ST7L: variants seen among roughly 807,000 people sequenced by gnomAD.
ST7L encodes the protein suppression of tumorigenicity 7 like.
ST7L carries 57 observed loss-of-function variants against 72.5 expected under a neutral mutation model. The observed-to-expected ratio is 0.79, with a 90% CI of 0.64 to 0.98. The LOEUF (loss-of-function observed/expected upper bound fraction) is 0.98, where lower values mean the gene tolerates loss of function less well. ST7L is among the 50% of genes least tolerant of loss of function. ST7L has a pLI of 0.00. For missense variants in ST7L, 576 were observed against 672.2 expected, an observed-to-expected ratio of 0.86 and a Z score of 1.58; for synonymous variants, 221 against 240.9, an observed-to-expected ratio of 0.92 and a Z score of 0.77.
intron 4 of ST7L, 105 bp from the exon 5 acceptor site, chr1:112,598,191 G>T: frequency 1.5e-6 from 1 of 668,478 alleles, no homozygotes; most frequent in Non-Finnish European, 2.4e-6. Context: ...ACATTTGGAT[G>T]TTTTAAAATC....
In ST7L at chr1:112,555,869, GC is replaced by G. The variant is rs1303759502; in HGVS notation, c.1394del (p.Gly465AlafsTer5). 4 of 1,518,968 alleles carry G rather than the reference GC, an allele frequency of 2.6e-6. No individual in the cohort carries two copies. The African/African-American group carries it at 5.6e-5, about 21-fold the overall frequency. 94.1% of individuals were successfully genotyped at this position (1,518,968 alleles called of 1,614,324 possible). On this transcript the variant is annotated frameshift_variant and splice_region_variant, in exon 12 of 15. Transcript: ENST00000358039. LOFTEE classifies it high-confidence loss of function. ...ALNLLQCTWE[G>X]TFRMIPYPLE... ...TTACTTTTGGAAAAGAATACTTACT[GC>G]CTTCCCATGTACACTGTAACAGATT...
intron 12 of ST7L, among the ~76,000 whole-genome samples, chr1:112,552,704 T>G (rs1658435615): frequency 6.6e-6 from 1 of 152,210 alleles, no homozygotes; most frequent in Non-Finnish European, 1.5e-5. Context: ...ATGCCCAGCC[T>G]AGACTTTATT....
downstream of ST7L, chr1:112,520,227 C>T (rs773457770): frequency 2.6e-5 from 40 of 1,536,348 alleles, no homozygotes; most frequent in Non-Finnish European, 3.6e-5. Flanking sequence ...TAAGGGTATC[C>T]AGGGCAGCTG....
chr1:112,583,892 TTTA>T lies in ST7L; in HGVS notation c.856+77_856+79del, dbSNP rs1220987263. ...TAACTAACCTGTAAGTATTAAGTTTTTTATTATTGTTGTTTGTGTTAAGACACA... is the reference window on the plus strand; with the variant it reads ...TAACTAACCTGTAAGTATTAAGTTTTTTATTGTTGTTTGTGTTAAGACACA... On this transcript the variant is annotated intron_variant, in intron 7 of 14. Transcript: ENST00000358039. 1.2e-5 allele frequency: 18 copies of T among 1,490,650 alleles called. No homozygotes were observed. In the African/African-American group the frequency reaches 2.1e-4, roughly 17 times the overall value. The allele number at this position is 1,490,650 out of a possible 1,614,324, so 92.3% of individuals were successfully genotyped here. A position where few individuals can be genotyped will look rare whatever the true frequency, so the allele number is the denominator to read the frequency against.
At chr1:112,575,058 G>T (rs1318946386) in intron 11 of ST7L, among the ~76,000 whole-genome samples, 1 of 152,058 alleles carries the variant, frequency 6.6e-6, no homozygotes, top group Non-Finnish European at 1.5e-5. Flanking sequence ...CTAACATGGT[G>T]AAACCTCGTC....
chr1:112,566,297 CTTT>C (rs71084471), intron 11 of ST7L, among the ~76,000 whole-genome samples: 3 of 105,942 alleles, frequency 2.8e-5, no homozygotes, highest in African/African-American at 3.9e-5. Context: ...TCTTCTTCTT[CTTT>C]TTTTTTTTTT....
chr1:112,576,381 T>G (rs1663113734), intron 11 of ST7L, among the ~76,000 whole-genome samples: 1 of 152,188 alleles, frequency 6.6e-6, no homozygotes, highest in African/African-American at 2.4e-5. Context: ...CATGAGCCAC[T>G]GTGCCCAGCC....
chr1:112,551,508 G>A (rs1350508860), intron 12 of ST7L, among the ~76,000 whole-genome samples: 1 of 152,170 alleles, frequency 6.6e-6, no homozygotes, highest in Non-Finnish European at 1.5e-5. Context: ...GCCAGGTCTG[G>A]CCCACTATGA....
intron 12 of ST7L, among the ~76,000 whole-genome samples, chr1:112,554,756 T>C (rs911872274): frequency 2.6e-5 from 4 of 152,034 alleles, no homozygotes; most frequent in African/African-American, 9.7e-5. Context: ...AACAGATGAA[T>C]GGATAAAAAA....
At chr1:112,535,208 A>G (rs1051100586) in intron 14 of ST7L, among the ~76,000 whole-genome samples, 4 of 151,916 alleles carry the variant, frequency 2.6e-5, no homozygotes, top group African/African-American at 9.7e-5. Context: ...CCCTGTCTCT[A>G]CCAAAAATAC....
chr1:112,599,380 T>C (rs1261977776), intron 4 of ST7L, among the ~76,000 whole-genome samples: 3 of 152,066 alleles, frequency 2.0e-5, no homozygotes, highest in African/African-American at 7.2e-5. Flanking sequence ...TAGTCATTTT[T>C]GTATCTCCAT....
At chr1:112,565,791 C>T (rs760595015) in intron 11 of ST7L, among the ~76,000 whole-genome samples, 2 of 151,962 alleles carry the variant, frequency 1.3e-5, no homozygotes, top group Non-Finnish European at 2.9e-5. Context: ...CCAAGGTGGG[C>T]GGACTGCTTG....
At chr1:112,551,146 T>C (rs1265228983) in intron 12 of ST7L, among the ~76,000 whole-genome samples, 23 of 132,766 alleles carry the variant, frequency 1.7e-4, no homozygotes, top group Non-Finnish European at 2.9e-4. Flanking sequence ...ATCTTTTTTT[T>C]TTTTTTTTTT....
intron 11 of ST7L, among the ~76,000 whole-genome samples, chr1:112,558,419 A>G (rs928310525): frequency 6.6e-6 from 1 of 152,208 alleles, no homozygotes; most frequent in Non-Finnish European, 1.5e-5. Context: ...TCAAAATTTA[A>G]GCCTTACTTT....
At chr1:112,606,844 T>G (rs1326429759) in intron 3 of ST7L, among the ~76,000 whole-genome samples, 1 of 152,144 alleles carries the variant, frequency 6.6e-6, no homozygotes, top group Non-Finnish European at 1.5e-5. Flanking sequence ...CCTCTCTTCT[T>G]CTTACAAAGC....
At chr1:112,570,749 T>C (rs1345947756) in intron 11 of ST7L, 1 of 456,288 alleles carries the variant, frequency 2.2e-6, no homozygotes. Context: ...ACTTCATCAA[T>C]TGTAAAACCC....
chr1:112,539,712 CCA>C lies in ST7L; in HGVS notation c.1629+2237_1629+2238del, dbSNP rs1274003788. ...AAAAGAAAGCTGGAAACTGCCCATACCACAGTCATTTCCCATTAACTCTTAAA... is the reference window on the plus strand; with the variant it reads ...AAAAGAAAGCTGGAAACTGCCCATACCAGTCATTTCCCATTAACTCTTAAA... On this transcript the variant is annotated intron_variant, in intron 14 of 14. Coordinates refer to ENST00000358039, the MANE Select transcript of ST7L (RefSeq NM_017744.5). The C allele has an allele frequency of 9.2e-6, 9 of 983,340 alleles. No homozygotes were observed. The Admixed American group carries it at 5.0e-4, about 54-fold the overall frequency. The allele number at this position is 983,340 out of a possible 1,614,324, so 60.9% of individuals were successfully genotyped here. A position where few individuals can be genotyped will look rare whatever the true frequency, so the allele number is the denominator to read the frequency against.
chr1:112,588,851 T>C (rs534829326), intron 6 of ST7L, among the ~76,000 whole-genome samples: 4 of 152,216 alleles, frequency 2.6e-5, no homozygotes, highest in Non-Finnish European at 5.9e-5. Flanking sequence ...TCTCTCTTCT[T>C]TGGGACTCCT....
chr1:112,611,265 A>T (rs1325580832), intron 2 of ST7L, among the ~76,000 whole-genome samples: 1 of 152,250 alleles, frequency 6.6e-6, no homozygotes, highest in Non-Finnish European at 1.5e-5. Context: ...AACAGAAAGA[A>T]GCATTTTAAT....
Sources: gnomAD v4.1 joint callset for allele counts (sites outside exome capture counted in the v4.1 genomes callset) on GRCh38, gnomAD v4.1.1 for gene constraint, MANE v1.5 for transcripts, NCBI Gene and HGNC (gene_info 2026-07-23, HGNC 2026-07-21) for gene names.